DNAH10: variants seen among roughly 807,000 people sequenced by gnomAD.
The protein encoded by DNAH10 is dynein axonemal heavy chain 10.
A neutral mutation model predicts 506.6 loss-of-function variants in DNAH10; 348 were observed. That is an observed-to-expected ratio of 0.69 (90% confidence interval 0.63 to 0.75). The LOEUF (loss-of-function observed/expected upper bound fraction) is 0.75, where lower values mean the gene tolerates loss of function less well. DNAH10 is among the 30% of genes least tolerant of loss of function. The probability of loss-of-function intolerance (pLI) is 0.00; values close to 1 mark genes in which losing one functional copy is unlikely to be tolerated. For missense variants in DNAH10, 5,179 were observed against 5,787.1 expected (o/e 0.89, Z 3.41); for synonymous variants, 2,059 against 2,198.6 (o/e 0.94, Z 1.78).
intron 55 of DNAH10, among the ~76,000 whole-genome samples, 198 bp from the exon 56 acceptor site, chr12:123,898,455 G>A (rs1953357456): frequency 6.6e-6 from 1 of 152,230 alleles, no homozygotes; most frequent in Non-Finnish European, 1.5e-5. Context: ...TGTTGGCCAA[G>A]GGAAGCACTG....
chr12:123,886,105 C>A (rs1952714771), intron 51 of DNAH10, among the ~76,000 whole-genome samples: 2 of 152,166 alleles, frequency 1.3e-5, no homozygotes, highest in South Asian at 4.1e-4. Flanking sequence ...TAACTGTTTG[C>A]AATTGTTTTC....
chr12:123,930,704 C>CT, intron 73 of DNAH10, 131 bp downstream of exon 73: 1 of 899,138 alleles, frequency 1.1e-6, no homozygotes, highest in Non-Finnish European at 1.6e-6. Flanking sequence ...TGTTAGGTGG[C>CT]TCGGCAGACG....
chr12:123,861,238 G>T, intron 39 of DNAH10, 68 bp downstream of exon 39: 2 of 1,552,078 alleles, frequency 1.3e-6, no homozygotes, highest in Non-Finnish European at 1.7e-6. Flanking sequence ...ATTAAAAACG[G>T]TGGCAGGACT....
chr12:123,856,380 C>T (rs1012449406), intron 36 of DNAH10, among the ~76,000 whole-genome samples: 6 of 150,570 alleles, frequency 4.0e-5, no homozygotes, highest in East Asian at 1.9e-4. Flanking sequence ...ACTCTTGTCA[C>T]GCCAGGAGTA....
intron 28 of DNAH10, among the ~76,000 whole-genome samples, chr12:123,837,673 C>G (rs1426318490): frequency 4.0e-5 from 6 of 150,482 alleles, no homozygotes; most frequent in African/African-American, 1.5e-4. Context: ...AACTCCTGGG[C>G]TCATATGATC....
At chr12:123,833,412 A>T in intron 27 of DNAH10, 65 bp downstream of exon 27, 2 of 1,280,370 alleles carry the variant, frequency 1.6e-6, no homozygotes, top group Non-Finnish European at 2.2e-6. Context: ...TTATATGAGG[A>T]TATTTTGTGC....
At chr12:123,774,805 A>G (rs1957380238) in intron 5 of DNAH10, among the ~76,000 whole-genome samples, 2 of 152,322 alleles carry the variant, frequency 1.3e-5, no homozygotes, top group South Asian at 2.1e-4. Flanking sequence ...CGTTGGGGCC[A>G]TTATGGACAT....
chr12:123,838,353 C>T (rs1049312054), intron 28 of DNAH10, 103 bp from the exon 29 acceptor site: 30 of 1,000,290 alleles, frequency 3.0e-5, no homozygotes, highest in East Asian at 2.4e-4. Flanking sequence ...AGTTTTGTCT[C>T]GGCCGTGCCT....
Position 123,826,786 on chromosome 12 carries a change from C to T in DNAH10, c.4279C>T (p.Pro1427Ser), listed in dbSNP as rs763449366. Residue 1427 changes from proline (P) to serine (S), a missense_variant, in exon 25 of 79, where the codon CCT becomes TCT. Coordinates refer to ENST00000673944, the MANE Select transcript of DNAH10 (RefSeq NM_001372106.1). ...EGFLRALRKL[P>S]RPVRGLSVTY... ...TTTTCTCAGGGCTCTCAGAAAGCTA[C>T]CTCGGCCAGTCCGTGGCTTATCAGT... 4 of 1,614,016 alleles carry T rather than the reference C, an allele frequency of 2.5e-6. No homozygotes were observed. Among genetic ancestry groups the T allele is most frequent in the Non-Finnish European group, 3.4e-6 (4 of 1,179,882 alleles).
rs1396840393 is a variant in DNAH10, at chr12:123,875,509, A to G, written c.8199+18A>G. The G allele has an allele frequency of 1.2e-6, 2 of 1,612,834 alleles. No homozygotes were observed. The highest frequency in any genetic ancestry group is 1.7e-6 in the Non-Finnish European group (2 of 1,178,982). ...ACACCTCGGTAACTTGATTTTAACT[A>G]GAAGTCTAAACCGGAAGACCTTGTG... On this transcript the variant is annotated intron_variant, in intron 47 of 78. Transcript: ENST00000673944.
intron 54 of DNAH10, among the ~76,000 whole-genome samples, chr12:123,897,173 G>A (rs749829559): frequency 3.9e-5 from 6 of 152,076 alleles, no homozygotes; most frequent in Admixed American, 2.6e-4. Context: ...TTTCAGCATC[G>A]GAACTTCATT....
At chr12:123,840,146 A>T (rs1348787907) in intron 29 of DNAH10, among the ~76,000 whole-genome samples, 1 of 151,292 alleles carries the variant, frequency 6.6e-6, no homozygotes. Context: ...CCCCCTCCCT[A>T]GTTATGACAA....
At chr12:123,795,126 C>A in intron 12 of DNAH10, among the ~76,000 whole-genome samples, 1 of 122,612 alleles carries the variant, frequency 8.2e-6, no homozygotes, top group Non-Finnish European at 1.6e-5. Flanking sequence ...CCAGCCTGGG[C>A]GACGAGTGAA....
At position 123,860,994 on chromosome 12, in the gene DNAH10, A is replaced by T. The variant is rs1190974090; in HGVS notation, c.6750-18A>T. On this transcript the variant is annotated intron_variant, in intron 38 of 78. Transcript: ENST00000673944. ...ATTTAGTTGTCTTGAACCATGGCTAAAGCCTCTCTTGATTTAGGCTTGGGC... is the reference window on the plus strand; with the variant it reads ...ATTTAGTTGTCTTGAACCATGGCTATAGCCTCTCTTGATTTAGGCTTGGGC... 8 of 1,613,842 alleles carry T rather than the reference A, an allele frequency of 5.0e-6. No individual in the cohort carries two copies. Among genetic ancestry groups the T allele is most frequent in the Non-Finnish European group, 5.9e-6 (7 of 1,179,894 alleles).
At chr12:123,875,978 A>T (rs1167367174) in intron 47 of DNAH10, among the ~76,000 whole-genome samples, 1 of 152,232 alleles carries the variant, frequency 6.6e-6, no homozygotes, top group African/African-American at 2.4e-5. Context: ...CACACTGCCT[A>T]GTGCATAGCA....
intron 1 of DNAH10, among the ~76,000 whole-genome samples, chr12:123,766,637 A>G (rs917303394): frequency 1.3e-5 from 2 of 152,150 alleles, no homozygotes; most frequent in African/African-American, 4.8e-5. Context: ...TACTTTGTGT[A>G]TTTCTGGAGG....
chr12:123,914,659 A>G, intron 61 of DNAH10, 109 bp downstream of exon 61: 1 of 1,411,488 alleles, frequency 7.1e-7, no homozygotes, highest in Non-Finnish European at 9.5e-7. Flanking sequence ...CACCAGGACC[A>G]CAGTTGGCTC....
At chr12:123,775,151 C>T (rs924621206) in intron 5 of DNAH10, among the ~76,000 whole-genome samples, 8 of 152,120 alleles carry the variant, frequency 5.3e-5, no homozygotes, top group South Asian at 4.1e-4. Context: ...AGGGTCTCTC[C>T]GCCATCCAGT....
intron 2 of DNAH10, among the ~76,000 whole-genome samples, chr12:123,768,154 G>T (rs1353198681): frequency 2.0e-5 from 3 of 150,944 alleles, no homozygotes; most frequent in Non-Finnish European, 4.4e-5. Context: ...TTTTTTTTGA[G>T]ACAGGGTCTC....
Sources: allele counts gnomAD v4.1 joint callset (sites outside exome capture counted in the v4.1 genomes callset), GRCh38; gene constraint gnomAD v4.1.1; transcripts MANE v1.5; gene names NCBI Gene and HGNC (gene_info 2026-07-23, HGNC 2026-07-21).